TRPM3: variants seen among roughly 807,000 people sequenced by gnomAD.
TRPM3 encodes the protein transient receptor potential cation channel subfamily M member 3.
In TRPM3, 77 loss-of-function variants were observed where a neutral mutation model predicts 181.2. The ratio of observed to expected loss-of-function variants is 0.42; its 90% CI spans 0.35 to 0.51. TRPM3 has a LOEUF of 0.51. Among genes scored for constraint, TRPM3 ranks in the 20% least tolerant of loss-of-function variants. TRPM3 has a pLI of 0.01. For synonymous variants in TRPM3, 745 were observed against 796.4 expected (o/e 0.94, Z 1.09); for missense variants, 1,759 against 2,196.7 (o/e 0.80, Z 3.98).
At chr9:70,885,209 T>C (rs910582468) in intron 1 of TRPM3, among the ~76,000 whole-genome samples, 28 of 152,196 alleles carry the variant, frequency 1.8e-4, no homozygotes, top group African/African-American at 6.5e-4. Flanking sequence ...CTCAACTCGG[T>C]ATTATTGACA....
At chr9:70,673,796 A>T (rs183042608) in intron 9 of TRPM3, among the ~76,000 whole-genome samples, 1 of 151,986 alleles carries the variant, frequency 6.6e-6, no homozygotes, top group African/African-American at 2.4e-5. Context: ...AATAAATAAA[A>T]AAATTAGCTG....
At chr9:71,406,944 C>T (rs542296130) in intron 1 of TRPM3, among the ~76,000 whole-genome samples, 8 of 152,128 alleles carry the variant, frequency 5.3e-5, no homozygotes, top group African/African-American at 1.4e-4. Flanking sequence ...AGCTCTGATC[C>T]ACACTGAAGG....
chr9:71,055,041 G>A (rs982410429), intron 1 of TRPM3, among the ~76,000 whole-genome samples: 4 of 152,100 alleles, frequency 2.6e-5, no homozygotes, highest in Non-Finnish European at 4.4e-5. Flanking sequence ...AGTAGATTTG[G>A]AGATTCTGGT....
rs182550612 is a variant in TRPM3 at position 70,566,087 on chromosome 9, T to C, written c.3224-12777A>G. Among the ~76,000 whole-genome samples, 77 of 151,820 alleles carry C rather than the reference T, an allele frequency of 5.1e-4. 5 individuals carry two copies. The highest frequency in any genetic ancestry group is 4.8e-3 in the Admixed American group (73 of 15,244). On this transcript the variant is annotated intron_variant, in intron 22 of 25. Coordinates refer to ENST00000677713, the MANE Select transcript of TRPM3 (RefSeq NM_001366145.2). ...ACTATCTATACTGGGAAAGGGATGG[T>C]GGTGGTGATAGTGGATGGACAGAAA...
At chr9:71,227,750 T>C (rs2080778225) in intron 1 of TRPM3, among the ~76,000 whole-genome samples, 1 of 152,040 alleles carries the variant, frequency 6.6e-6, no homozygotes, top group South Asian at 2.1e-4. Flanking sequence ...AAATAATAAA[T>C]TCCTAGACAT....
At chr9:71,430,137 C>T (rs1405338951) in intron 1 of TRPM3, among the ~76,000 whole-genome samples, 5 of 152,118 alleles carry the variant, frequency 3.3e-5, no homozygotes, top group Admixed American at 1.3e-4. Flanking sequence ...TTCTGCTGGC[C>T]TTCATTAGAA....
At chr9:70,607,439 T>TAAAC (rs150911437) in intron 19 of TRPM3, among the ~76,000 whole-genome samples, 2,581 of 152,242 alleles carry the variant, frequency 0.017, 73 homozygotes, top group African/African-American at 0.056. Context: ...GAGAATCATG[T>TAAAC]AAACACAATT....
intron 1 of TRPM3, among the ~76,000 whole-genome samples, chr9:71,153,575 G>A (rs748292959): frequency 1.6e-4 from 24 of 152,092 alleles, no homozygotes; most frequent in Admixed American, 7.9e-4. Context: ...GAGCCACCAC[G>A]CCCGGCCAAA....
intron 1 of TRPM3, among the ~76,000 whole-genome samples, chr9:71,250,219 A>G (rs763359): frequency 0.24 from 36,789 of 152,070 alleles, 5,184 homozygotes; most frequent in African/African-American, 0.37. Flanking sequence ...ATAGCTATTT[A>G]CAACTGTATT....
chr9:70,779,187 T>C (rs935391530), intron 7 of TRPM3, among the ~76,000 whole-genome samples: 4 of 152,164 alleles, frequency 2.6e-5, no homozygotes, highest in Admixed American at 1.3e-4. Context: ...TTCTTCACAA[T>C]ATCCAATACA....
chr9:71,214,779 T>C (rs1036589245), intron 1 of TRPM3, among the ~76,000 whole-genome samples: 7 of 152,114 alleles, frequency 4.6e-5, no homozygotes, highest in Non-Finnish European at 1.0e-4. Flanking sequence ...TGTATTCTTA[T>C]AATTCCATAT....
chr9:71,060,692 T>A (rs1037674039), intron 1 of TRPM3, among the ~76,000 whole-genome samples: 1 of 152,108 alleles, frequency 6.6e-6, no homozygotes, highest in African/African-American at 2.4e-5. Context: ...TTCTATCCAA[T>A]GTGACAAATC....
At chr9:71,025,764 G>C (rs1460935654) in intron 1 of TRPM3, among the ~76,000 whole-genome samples, 1 of 152,176 alleles carries the variant, frequency 6.6e-6, no homozygotes, top group Non-Finnish European at 1.5e-5. Flanking sequence ...GTTCCTAAGA[G>C]CCTGCTCCAA....
At chr9:70,694,657 T>C (rs1245476698) in intron 8 of TRPM3, among the ~76,000 whole-genome samples, 1 of 152,080 alleles carries the variant, frequency 6.6e-6, no homozygotes, top group African/African-American at 2.4e-5. Context: ...ATTTTTTGTA[T>C]TTTTAGTAGA....
chr9:71,399,081 A>T lies in TRPM3; in HGVS notation c.183+47572T>A, dbSNP rs1397791253. ...TATTTATCTTCTAAAAAAATCAATAAAATGTATTCTGAAAGATCTGCCTTC... is the reference window on the plus strand; with the variant it reads ...TATTTATCTTCTAAAAAAATCAATATAATGTATTCTGAAAGATCTGCCTTC... On this transcript the variant is annotated intron_variant, in intron 1 of 24. Transcript: ENST00000357533. Among the ~76,000 whole-genome samples the T allele has an allele frequency of 2.0e-5, 3 of 151,292 alleles. No individual in the cohort carries two copies. In the Admixed American group the frequency reaches 2.0e-4, roughly 10 times the overall value.
At chr9:70,938,954 T>C (rs1306689297) in intron 1 of TRPM3, among the ~76,000 whole-genome samples, 2 of 148,144 alleles carry the variant, frequency 1.4e-5, no homozygotes, top group Admixed American at 1.3e-4. Context: ...CGAGACTCCG[T>C]CTCAAAAAAA....
Position 71,121,563 on chromosome 9 carries a change from A to C in TRPM3, c.-209T>G. On this transcript the variant is annotated 5_prime_UTR_variant, in exon 1 of 26. Coordinates refer to ENST00000677713, the MANE Select transcript of TRPM3 (RefSeq NM_001366145.2). Reference sequence around the variant, plus strand: ...GGGAGGGGATGCACGATTTTGAAGAAGAGGGACAGCCTGCACAAAACAGCC... The same window carrying C: ...GGGAGGGGATGCACGATTTTGAAGACGAGGGACAGCCTGCACAAAACAGCC... 1 of 1,378,304 alleles carries C rather than the reference A, an allele frequency of 7.3e-7. No individual in the cohort carries two copies. The highest frequency in any genetic ancestry group is 9.4e-7 in the Non-Finnish European group (1 of 1,068,790). 85.4% of individuals were successfully genotyped at this position (1,378,304 alleles called of 1,614,324 possible).
intron 1 of TRPM3, among the ~76,000 whole-genome samples, chr9:71,287,286 G>A (rs2085381798): frequency 1.3e-5 from 2 of 151,580 alleles, no homozygotes; most frequent in Non-Finnish European, 2.9e-5. Context: ...GCCAAGAAGA[G>A]GCAGAAATAG....
At chr9:71,249,829 A>G (rs1434781975) in intron 1 of TRPM3, among the ~76,000 whole-genome samples, 4 of 152,212 alleles carry the variant, frequency 2.6e-5, no homozygotes, top group South Asian at 2.1e-4. Flanking sequence ...CTGGAACACA[A>G]AAAGAATTAA....
Sources: allele counts gnomAD v4.1 joint callset (sites outside exome capture counted in the v4.1 genomes callset), GRCh38; gene constraint gnomAD v4.1.1; transcripts MANE v1.5; gene names NCBI Gene and HGNC (gene_info 2026-07-23, HGNC 2026-07-21).